Variants in COL10A1 observed in about 807,000 individuals in gnomAD.
The protein encoded by COL10A1 is collagen alpha-1(X) chain.
Under a neutral mutation model 18.2 loss-of-function variants are expected in COL10A1, and 10 were observed. The observed-to-expected ratio is 0.55, with a 90% confidence interval of 0.34 to 0.93. The LOEUF (loss-of-function observed/expected upper bound fraction) is 0.93. Among genes scored for constraint, COL10A1 ranks in the 40% least tolerant of loss-of-function variants. COL10A1 has a pLI of 0.02. For synonymous variants in COL10A1, 330 were observed against 316.6 expected, an observed-to-expected ratio of 1.04 and a Z score of -0.45; for missense variants, 897 against 853.5, an observed-to-expected ratio of 1.05 and a Z score of -0.64.
the COL10A1 span, among the ~76,000 whole-genome samples, chr6:116,165,886 C>T: frequency 6.6e-6 from 1 of 152,178 alleles, no homozygotes; most frequent in African/African-American, 2.4e-5. Context: ...TGAGATTCCC[C>T]ATGCAGGGTA....
At chr6:116,141,503 A>T (rs1779762926) in intron 1 of COL10A1, among the ~76,000 whole-genome samples, 1 of 151,942 alleles carries the variant, frequency 6.6e-6, no homozygotes, top group South Asian at 2.1e-4. Flanking sequence ...GTGGGACTCC[A>T]AGTCATTGTA....
upstream of COL10A1, among the ~76,000 whole-genome samples, chr6:116,128,383 G>C (rs923019877): frequency 1.3e-5 from 2 of 152,122 alleles, no homozygotes; most frequent in African/African-American, 4.8e-5. Flanking sequence ...TACTCTGGGT[G>C]TTTACTTGTA....
chr6:116,200,241 A>C, the COL10A1 span, among the ~76,000 whole-genome samples: 1 of 152,076 alleles, frequency 6.6e-6, no homozygotes, highest in African/African-American at 2.4e-5. Context: ...AAAACTGTCA[A>C]AGTTACCAAA....
chr6:116,205,459 G>A, the COL10A1 span, among the ~76,000 whole-genome samples: 1 of 128,996 alleles, frequency 7.8e-6, no homozygotes, highest in Non-Finnish European at 1.5e-5. Context: ...TAATTTCCCT[G>A]TTATCTGGTA....
At chr6:116,158,004 C>T (rs1429682278) in intron 1 of COL10A1, among the ~76,000 whole-genome samples, 1 of 152,192 alleles carries the variant, frequency 6.6e-6, no homozygotes, top group Admixed American at 6.5e-5. Context: ...CAGTTTTTTC[C>T]TCTGATCATT....
chr6:116,120,642 G>C lies in COL10A1; in HGVS notation c.1474C>G (p.Pro492Ala), dbSNP rs769587032. ...TKGLNGPTGPPGPPGPRGHSG... is the reference protein window; with the variant it reads ...TKGLNGPTGPAGPPGPRGHSG... ...TGGCCTCTTGGACCTGGAGGCCCTG[G>C]TGGCCCGGTGGGTCCATTGAGGCCC... Residue 492 changes from proline (P) to alanine (A), a missense_variant, in exon 3 of 3, where the codon CCA becomes GCA. Physicochemically the swap from Pro to Ala is conservative, Grantham distance 27. Coordinates refer to ENST00000651968, the MANE Select transcript of COL10A1 (RefSeq NM_000493.4). 15 of 1,548,182 alleles carry C rather than the reference G, an allele frequency of 9.7e-6. No individual in the cohort carries two copies. The African/African-American group carries it at 1.8e-4, about 19-fold the overall frequency.
chr6:116,167,866 C>T, the COL10A1 span, among the ~76,000 whole-genome samples: 9 of 151,996 alleles, frequency 5.9e-5, no homozygotes, highest in Middle Eastern at 3.2e-3. Context: ...TGTTGATTTT[C>T]TGAAAATTTT....
upstream of COL10A1, among the ~76,000 whole-genome samples, chr6:116,127,353 T>G (rs1779344346): frequency 6.6e-6 from 1 of 152,168 alleles, no homozygotes; most frequent in South Asian, 2.1e-4. Flanking sequence ...TCATTGCCTC[T>G]CTCCTCTTGC....
chr6:116,125,345 T>C lies in COL10A1; in HGVS notation c.148A>G (p.Ser50Gly), dbSNP rs766668557. 1 of 1,613,602 alleles carries C rather than the reference T, an allele frequency of 6.2e-7. No homozygotes were observed. Among genetic ancestry groups the C allele is most frequent in the Non-Finnish European group, 8.5e-7 (1 of 1,179,702 alleles). Residue 50 changes from serine to glycine, a missense_variant, in exon 2 of 3, where the codon AGT becomes GGT. Transcript: ENST00000651968. ...TQFFIPYTIK[S>G]KGIAVRGEQG... ...AATATACAATTCAATTTACCTTTAC[T>C]CTTTATGGTGTAGGGAATGAAGAAC... is the stretch of plus-strand genomic sequence containing the variant.
chr6:116,145,479 A>C, intron 1 of COL10A1: 1 of 375,204 alleles, frequency 2.7e-6, no homozygotes, highest in Non-Finnish European at 6.0e-6. Flanking sequence ...TATATCTACA[A>C]GTTTCATACT....
At chr6:116,196,389 A>G in the COL10A1 span, among the ~76,000 whole-genome samples, 1 of 152,166 alleles carries the variant, frequency 6.6e-6, no homozygotes, top group South Asian at 2.1e-4. Flanking sequence ...GTTAATCAAA[A>G]TTTAAACCAG....
intron 1 of COL10A1, among the ~76,000 whole-genome samples, chr6:116,138,458 T>C (rs910892222): frequency 7.9e-5 from 12 of 152,214 alleles, no homozygotes; most frequent in Non-Finnish European, 1.5e-4. Flanking sequence ...TGGTGAACAC[T>C]GTTTTTAATT....
chr6:116,131,994 AG>A (rs757990447), intron 1 of COL10A1, among the ~76,000 whole-genome samples: 1 of 152,204 alleles, frequency 6.6e-6, no homozygotes, highest in Non-Finnish European at 1.5e-5. Flanking sequence ...GTTTCTGCAA[AG>A]GACATTATCT....
At chr6:116,174,235 T>C in the COL10A1 span, among the ~76,000 whole-genome samples, 1 of 152,142 alleles carries the variant, frequency 6.6e-6, no homozygotes, top group Non-Finnish European at 1.5e-5. Flanking sequence ...GCATACTCCG[T>C]TTTTTGAAAG....
chr6:116,207,231 A>G, the COL10A1 span, among the ~76,000 whole-genome samples: 1 of 151,994 alleles, frequency 6.6e-6, no homozygotes. Flanking sequence ...CACTCAATAA[A>G]TGGATCATAT....
the COL10A1 span, among the ~76,000 whole-genome samples, chr6:116,189,552 A>G: frequency 6.6e-6 from 1 of 152,100 alleles, no homozygotes; most frequent in Middle Eastern, 3.4e-3. Flanking sequence ...TGAGTATTGG[A>G]TGACATTGAG....
At position 116,154,732 on chromosome 6, in the gene COL10A1, A is replaced by G. The variant is rs575427424; in HGVS notation, c.-16+3882T>C. 6.6e-5 allele frequency among the ~76,000 whole-genome samples: 10 copies of G among 152,270 alleles called. No homozygotes were observed. The East Asian group carries it at 1.7e-3, about 26-fold the overall frequency. On this transcript the variant is annotated intron_variant, in intron 1 of 1. Transcript: ENST00000418500. ...GATGGAATTAAATAATTTCTCATTCATTCTATTTTATTTCACTCATCAAAC... is the reference window on the plus strand; with the variant it reads ...GATGGAATTAAATAATTTCTCATTCGTTCTATTTTATTTCACTCATCAAAC...
chr6:116,162,992 C>T (rs533368187), upstream of COL10A1, among the ~76,000 whole-genome samples: 101 of 151,454 alleles, frequency 6.7e-4, no homozygotes, highest in African/African-American at 1.7e-3. Context: ...CCAGGCGTGG[C>T]GGCAGGCACT....
At chr6:116,135,750 CT>C (rs1779574417) in intron 1 of COL10A1, among the ~76,000 whole-genome samples, 1 of 147,910 alleles carries the variant, frequency 6.8e-6, no homozygotes, top group African/African-American at 2.5e-5. Context: ...AAATACTCAG[CT>C]TAAAAAATTT....
Sources: gnomAD v4.1 joint callset for allele counts (sites outside exome capture counted in the v4.1 genomes callset) on GRCh38, gnomAD v4.1.1 for gene constraint, MANE v1.5 for transcripts, NCBI Gene and HGNC (gene_info 2026-07-23, HGNC 2026-07-21) for gene names.